FAM234B: variants seen among roughly 807,000 people sequenced by gnomAD.
FAM234B encodes the protein family with sequence similarity 234 member B.
In FAM234B, 33 loss-of-function variants were observed where a neutral mutation model predicts 69.3. That is an observed-to-expected ratio of 0.48 (90% CI 0.36 to 0.64). The LOEUF is 0.64. Ranked by LOEUF, FAM234B falls within the 30% of genes least tolerant of loss-of-function variation. The pLI is 0.00. For synonymous variants in FAM234B, 306 were observed against 306.9 expected, an observed-to-expected ratio of 1.00 and a Z score of 0.03; for missense variants, 697 against 769.7, an observed-to-expected ratio of 0.91 and a Z score of 1.12.
At chr12:13,075,662 G>A (rs1038447573) in intron 10 of FAM234B, among the ~76,000 whole-genome samples, 1 of 146,872 alleles carries the variant, frequency 6.8e-6, no homozygotes. Flanking sequence ...CTCCATGTTG[G>A]CCAGGCTGGT....
intron 1 of FAM234B, among the ~76,000 whole-genome samples, chr12:13,051,313 G>A (rs1435073030): frequency 1.3e-5 from 2 of 152,190 alleles, no homozygotes; most frequent in Non-Finnish European, 2.9e-5. Context: ...GTTTTGCTGG[G>A]AAGTGTTTTA....
chr12:13,051,224 A>G (rs1393835944), intron 1 of FAM234B, among the ~76,000 whole-genome samples: 1 of 152,242 alleles, frequency 6.6e-6, no homozygotes, highest in Non-Finnish European at 1.5e-5. Context: ...CAGATTTTAT[A>G]AATTCCTGTA....
intron 1 of FAM234B, among the ~76,000 whole-genome samples, chr12:13,054,422 G>A (rs1440529189): frequency 6.6e-6 from 1 of 152,114 alleles, no homozygotes; most frequent in East Asian, 1.9e-4. Flanking sequence ...CAACAATCTG[G>A]TCTCCATATA....
intron 10 of FAM234B, 44 bp from the exon 11 acceptor site, chr12:13,075,982 A>C: frequency 1.5e-6 from 2 of 1,363,374 alleles, no homozygotes; most frequent in South Asian, 1.2e-5. Flanking sequence ...ACGTGTGGGA[A>C]TGTAGCGTTA....
intron 1 of FAM234B, among the ~76,000 whole-genome samples, chr12:13,046,064 T>G (rs1864807471): frequency 6.6e-6 from 1 of 152,202 alleles, no homozygotes; most frequent in South Asian, 2.1e-4. Flanking sequence ...CCCTGAGCCC[T>G]GAGGTATGCT....
chr12:13,073,018 A>G (rs1358378388), intron 10 of FAM234B, among the ~76,000 whole-genome samples: 7 of 152,346 alleles, frequency 4.6e-5, no homozygotes, highest in Admixed American at 1.3e-4. Flanking sequence ...TGCTCGTTTG[A>G]TGAGAGGAAT....
At chr12:13,079,739 G>A (rs1865202982) in intron 11 of FAM234B, 50 bp from the exon 12 acceptor site, 1 of 1,158,922 alleles carries the variant, frequency 8.6e-7, no homozygotes, top group Non-Finnish European at 1.3e-6. Flanking sequence ...TCTCCTGTTA[G>A]TGGACGGTAT....
chr12:13,056,156 G>A lies in FAM234B; in HGVS notation c.433+210G>A, dbSNP rs576238083. ...TGGGAATCATTGCTCTGTTGTGTCT[G>A]TTGGCATTGGTCTTTATTAGATCCA... On this transcript the variant is annotated intron_variant, in intron 2 of 12. Transcript: ENST00000197268. Among the ~76,000 whole-genome samples the A allele has an allele frequency of 1.4e-3, 211 of 152,316 alleles. 1 individual carries two copies. The highest frequency in any genetic ancestry group is 4.9e-3 in the African/African-American group (203 of 41,566).
At chr12:13,056,198 T>C (rs1444224594) in intron 2 of FAM234B, among the ~76,000 whole-genome samples, 1 of 152,094 alleles carries the variant, frequency 6.6e-6, no homozygotes, top group Non-Finnish European at 1.5e-5. Flanking sequence ...ACAGGGCTGG[T>C]TTGCTGGATT....
rs948050788 is a variant in FAM234B at position 13,067,027 on chromosome 12, G to C, written c.1001-128G>C. 8.9e-7 allele frequency: 1 copy of C among 1,118,374 alleles called. No homozygotes were observed. Among genetic ancestry groups the C allele is most frequent in the Non-Finnish European group, 1.3e-6 (1 of 768,814 alleles). 69.3% of individuals were successfully genotyped at this position (1,118,374 alleles called of 1,614,324 possible). On this transcript the variant is annotated intron_variant, in intron 6 of 12. Transcript: ENST00000197268. This position sits in a 1 kb window ranked among gnomAD's most constrained non-coding sequence, Gnocchi z 4.7. ...ACTTAATCACCTCCCCACTTGTTCC[G>C]TGTTGTCCAGTCTGGGCGGGCTCTG...
intron 9 of FAM234B, 48 bp from the exon 10 acceptor site, chr12:13,071,193 G>A: frequency 6.2e-7 from 1 of 1,602,860 alleles, no homozygotes; most frequent in Middle Eastern, 1.7e-4. Context: ...TGGGCCTGCT[G>A]CTTTTTTGAG....
chr12:13,055,231 G>T (rs1475721795), intron 1 of FAM234B, among the ~76,000 whole-genome samples: 3 of 152,228 alleles, frequency 2.0e-5, no homozygotes, highest in Non-Finnish European at 4.4e-5. Context: ...TTTCTTGAGT[G>T]AGATTCAAAC....
intron 1 of FAM234B, among the ~76,000 whole-genome samples, chr12:13,053,514 G>A (rs762484269): frequency 1.1e-4 from 17 of 152,206 alleles, no homozygotes; most frequent in African/African-American, 1.7e-4. Context: ...CGGTAGGTCC[G>A]TGATGTCCCC....
rs558565927 is a variant in FAM234B at position 13,046,694 on chromosome 12, A to G, written c.37+2254A>G. On this transcript the variant is annotated intron_variant, in intron 1 of 12. Coordinates refer to ENST00000197268, the MANE Select transcript of FAM234B (RefSeq NM_020853.2). ...AGGCTGGTCTGGAACTCCCGACCTC[A>G]GGTGATCGCCTGCCTTGGCCTCCCA... Among the ~76,000 whole-genome samples the G allele has an allele frequency of 6.6e-5, 10 of 152,242 alleles. No individual in the cohort carries two copies. In the South Asian group the frequency reaches 2.1e-3, roughly 32 times the overall value.
At position 13,076,092 on chromosome 12, in the gene FAM234B, TC is replaced by T. The variant is rs1865157677; in HGVS notation, c.1593del (p.Ile532SerfsTer12). Reference sequence around the variant, plus strand: ...TTACCTCCTGCATCCTGCGTTCCCCTCCATCCTTCTGGATCTGGCCAACACC... The same window carrying T: ...TTACCTCCTGCATCCTGCGTTCCCCTCATCCTTCTGGATCTGGCCAACACC... ...HLYLLHPAFP[S>X]ILLDLANTTG... is the part of the protein sequence containing the mutation. On this transcript the variant is annotated frameshift_variant, in exon 11 of 13. Coordinates refer to ENST00000197268, the MANE Select transcript of FAM234B (RefSeq NM_020853.2). LOFTEE classifies it high-confidence loss of function. 2 of 1,614,040 alleles carry T rather than the reference TC, an allele frequency of 1.2e-6. No homozygotes were observed. Among genetic ancestry groups the T allele is most frequent in the Non-Finnish European group, 1.7e-6 (2 of 1,180,026 alleles).
rs550868255 is a variant in FAM234B, at chr12:13,059,935, G to A, written c.532+1386G>A. On this transcript the variant is annotated intron_variant, in intron 3 of 12. Coordinates refer to ENST00000197268, the MANE Select transcript of FAM234B (RefSeq NM_020853.2). ...CTCATAATGGCAAGGCCATGGGTTT[G>A]GACACAATATGGACCAGGCTGATTT... Among the ~76,000 whole-genome samples the A allele has an allele frequency of 2.0e-5, 3 of 152,270 alleles. No individual in the cohort carries two copies. In the South Asian group the frequency reaches 6.2e-4, roughly 32 times the overall value.
intron 1 of FAM234B, among the ~76,000 whole-genome samples, chr12:13,053,063 T>G (rs1428897768): frequency 1.3e-5 from 2 of 152,212 alleles, no homozygotes; most frequent in African/African-American, 2.4e-5. Flanking sequence ...CATGGCATAT[T>G]CTGAAAGTAC....
At chr12:13,078,363 G>A (rs1034119675) in intron 11 of FAM234B, among the ~76,000 whole-genome samples, 1 of 152,180 alleles carries the variant, frequency 6.6e-6, no homozygotes, top group Non-Finnish European at 1.5e-5. Flanking sequence ...GTCCTGAATG[G>A]TAATGCCTAG....
intron 1 of FAM234B, among the ~76,000 whole-genome samples, chr12:13,047,987 C>G (rs998155354): frequency 1.3e-5 from 2 of 152,070 alleles, no homozygotes; most frequent in African/African-American, 2.4e-5. Context: ...AGTCTGTAAT[C>G]CTTAAGCGGA....
Sources: allele counts gnomAD v4.1 joint callset (sites outside exome capture counted in the v4.1 genomes callset), GRCh38; gene constraint gnomAD v4.1.1; non-coding constraint Gnocchi (gnomAD v3.1); transcripts MANE v1.5; gene names NCBI Gene and HGNC (gene_info 2026-07-23, HGNC 2026-07-21).